Variants in WDR41 observed in about 807,000 individuals in gnomAD.
WDR41 encodes WD repeat domain 41.
Under a neutral mutation model 69.3 loss-of-function variants are expected in WDR41, and 63 were observed. The ratio of observed to expected loss-of-function variants is 0.91; its 90% CI spans 0.74 to 1.12. WDR41 has a LOEUF of 1.12. Ranked by LOEUF, WDR41 falls within the 50% of genes most tolerant of loss-of-function variation. WDR41 has a pLI of 0.00. For synonymous variants in WDR41, 185 were observed against 192.1 expected (o/e 0.96, Z 0.31); for missense variants, 543 against 534.5 (o/e 1.02, Z -0.16).
At chr5:77,594,367 A>T (rs1050446310) in intron 1 of WDR41, among the ~76,000 whole-genome samples, 1 of 152,120 alleles carries the variant, frequency 6.6e-6, no homozygotes, top group Non-Finnish European at 1.5e-5. Context: ...ATACATATGT[A>T]ACAAACCTGC....
chr5:77,457,952 A>G (rs1470005396), intron 5 of WDR41, among the ~76,000 whole-genome samples: 2 of 152,128 alleles, frequency 1.3e-5, no homozygotes, highest in South Asian at 4.1e-4. Context: ...ACCAGTTCCT[A>G]TAACCAGTTC....
At chr5:77,558,887 T>TA (rs1360830175) in intron 1 of WDR41, among the ~76,000 whole-genome samples, 3 of 9,748 alleles carry the variant, frequency 3.1e-4, no homozygotes, top group African/African-American at 7.8e-4. Flanking sequence ...TGAAAAAATA[T>TA]TTTTTTTCTG....
intron 1 of WDR41, among the ~76,000 whole-genome samples, chr5:77,527,080 G>C (rs915634621): frequency 6.3e-4 from 96 of 151,964 alleles, no homozygotes; most frequent in Non-Finnish European, 2.9e-5. Flanking sequence ...TCTCAGAAAG[G>C]CCATCCCATT....
At chr5:77,467,392 C>G (rs1279712832) in intron 2 of WDR41, among the ~76,000 whole-genome samples, 1 of 151,932 alleles carries the variant, frequency 6.6e-6, no homozygotes, top group African/African-American at 2.4e-5. Context: ...GTGGTTCTTG[C>G]TTTGAGATCT....
intron 1 of WDR41, among the ~76,000 whole-genome samples, chr5:77,508,860 C>T (rs1011086408): frequency 6.6e-6 from 1 of 152,184 alleles, no homozygotes; most frequent in African/African-American, 2.4e-5. Flanking sequence ...ATGGGACAGT[C>T]ACCCTGGAAT....
intron 1 of WDR41, among the ~76,000 whole-genome samples, chr5:77,615,402 G>T (rs1306249921): frequency 6.6e-6 from 1 of 152,004 alleles, no homozygotes; most frequent in African/African-American, 2.4e-5. Flanking sequence ...TACTACAACA[G>T]ATTTTTTAAA....
chr5:77,470,250 G>A (rs913053805), intron 2 of WDR41, among the ~76,000 whole-genome samples: 1 of 152,086 alleles, frequency 6.6e-6, no homozygotes, highest in African/African-American at 2.4e-5. Flanking sequence ...TCACCACCAG[G>A]CCTGTCTTAA....
chr5:77,620,392 G>C (rs938029393), intron 1 of WDR41: 3 of 434,270 alleles, frequency 6.9e-6, no homozygotes, highest in Non-Finnish European at 9.2e-6. Context: ...TTTTAATAGG[G>C]GAAAAGAATT....
intron 2 of WDR41, among the ~76,000 whole-genome samples, chr5:77,470,394 C>T (rs1404660848): frequency 1.3e-5 from 2 of 152,144 alleles, no homozygotes; most frequent in Admixed American, 6.5e-5. Context: ...AACCAGCTAA[C>T]ATCATAATGA....
intron 1 of WDR41, among the ~76,000 whole-genome samples, chr5:77,528,797 A>G (rs1459065592): frequency 6.6e-6 from 1 of 151,684 alleles, no homozygotes; most frequent in Non-Finnish European, 1.5e-5. Context: ...TATCATTTTG[A>G]TAGAGAAAAA....
At chr5:77,578,626 G>A (rs12152800) in intron 1 of WDR41, among the ~76,000 whole-genome samples, 28,105 of 151,986 alleles carry the variant, frequency 0.18, 2,878 homozygotes, top group Admixed American at 0.24. Context: ...GGTGGCTCAC[G>A]CCTGTAATCC....
At chr5:77,539,285 A>G (rs145385657) in intron 1 of WDR41, among the ~76,000 whole-genome samples, 11 of 152,338 alleles carry the variant, frequency 7.2e-5, no homozygotes, top group African/African-American at 9.6e-5. Context: ...TTAGCCTTCT[A>G]TAAATATCAA....
chr5:77,609,599 G>C (rs187628128), intron 1 of WDR41, among the ~76,000 whole-genome samples: 2 of 152,318 alleles, frequency 1.3e-5, no homozygotes, highest in South Asian at 2.1e-4. Context: ...TGACAGTCCT[G>C]TCTGTTAGAA....
At chr5:77,515,911 TC>T (rs1802285242) in intron 1 of WDR41, among the ~76,000 whole-genome samples, 1 of 152,222 alleles carries the variant, frequency 6.6e-6, no homozygotes, top group Non-Finnish European at 1.5e-5. Flanking sequence ...ACTTAGCCAG[TC>T]CCCATATTGG....
chr5:77,479,290 A>AATGAC (rs1447216959), intron 2 of WDR41, among the ~76,000 whole-genome samples: 1 of 151,894 alleles, frequency 6.6e-6, no homozygotes, highest in Non-Finnish European at 1.5e-5. Context: ...TCAAGCTACC[A>AATGAC]ATGACTTTCT....
intron 1 of WDR41, among the ~76,000 whole-genome samples, chr5:77,532,696 GAAAGACTCA>G (rs1802546042): frequency 6.6e-6 from 1 of 151,572 alleles, no homozygotes; most frequent in African/African-American, 2.4e-5. Flanking sequence ...AATGAAAGAA[GAAAGACTCA>G]AAAGAACATA....
chr5:77,434,569 G>C (rs889895193), intron 12 of WDR41, among the ~76,000 whole-genome samples: 1 of 151,998 alleles, frequency 6.6e-6, no homozygotes, highest in Non-Finnish European at 1.5e-5. Flanking sequence ...GCTGGGCGTG[G>C]TGGCGGGCAC....
At chr5:77,544,241 TA>T (rs1580001658) in intron 1 of WDR41, among the ~76,000 whole-genome samples, 1 of 151,534 alleles carries the variant, frequency 6.6e-6, no homozygotes, top group East Asian at 1.9e-4. Context: ...AAACACAATT[TA>T]AAAAACAAAA....
intron 1 of WDR41, among the ~76,000 whole-genome samples, chr5:77,537,143 G>T (rs751846558): frequency 6.6e-6 from 1 of 152,196 alleles, no homozygotes; most frequent in African/African-American, 2.4e-5. Flanking sequence ...AATACTTACC[G>T]ACCTTGCCTA....
Sources: allele counts gnomAD v4.1 joint callset (sites outside exome capture counted in the v4.1 genomes callset), GRCh38; gene constraint gnomAD v4.1.1; transcripts MANE v1.5; gene names NCBI Gene and HGNC (gene_info 2026-07-23, HGNC 2026-07-21).